C4orf17: variants seen among roughly 807,000 people sequenced by gnomAD.
C4orf17 encodes uncharacterized protein C4orf17.
A neutral mutation model predicts 32.0 loss-of-function variants in C4orf17; 25 were observed. The observed-to-expected ratio is 0.78, with a 90% CI of 0.57 to 1.09. The LOEUF is 1.09. Ranked by LOEUF, C4orf17 falls within the 50% of genes least tolerant of loss-of-function variation. The pLI is 0.00. For synonymous variants in C4orf17, 149 were observed against 145.8 expected (o/e 1.02, Z -0.16); for missense variants, 420 against 420.0 (o/e 1.00, Z 0.00).
intron 4 of C4orf17, among the ~76,000 whole-genome samples, chr4:99,526,777 T>C (rs1438287667): frequency 6.6e-6 from 1 of 152,028 alleles, no homozygotes; most frequent in Non-Finnish European, 1.5e-5. Context: ...TGATGTAAAG[T>C]TTTTTAAAAT....
chr4:99,525,679 C>T (rs895826536), intron 4 of C4orf17, among the ~76,000 whole-genome samples: 4 of 151,868 alleles, frequency 2.6e-5, no homozygotes, highest in African/African-American at 9.7e-5. Context: ...CCTGTAGTCC[C>T]AGCTACTGGG....
chr4:99,540,567 A>G (rs998532365), intron 8 of C4orf17, 112 bp downstream of exon 8: 1 of 679,562 alleles, frequency 1.5e-6, no homozygotes, highest in Non-Finnish European at 2.6e-6. Flanking sequence ...AGAAAAATAC[A>G]ATAGTAATTT....
chr4:99,532,936 G>A (rs1049770368), intron 5 of C4orf17, among the ~76,000 whole-genome samples: 1 of 152,190 alleles, frequency 6.6e-6, no homozygotes, highest in Non-Finnish European at 1.5e-5. Context: ...GTGTGGAAGA[G>A]ATCTTTCCCA....
chr4:99,527,343 T>A (rs1387916170), intron 4 of C4orf17, among the ~76,000 whole-genome samples: 1 of 152,224 alleles, frequency 6.6e-6, no homozygotes, highest in Non-Finnish European at 1.5e-5. Context: ...AAATTTTTCA[T>A]GTACCCATGA....
chr4:99,516,131 T>C (rs1451352741), intron 2 of C4orf17, among the ~76,000 whole-genome samples: 7 of 152,240 alleles, frequency 4.6e-5, no homozygotes, highest in Admixed American at 4.6e-4. Context: ...TGAAGTCATT[T>C]CATTCAGCAG....
In C4orf17 at chr4:99,541,798, G is replaced by C. The variant is rs1394411487; in HGVS notation, c.881-112G>C. 5.2e-6 allele frequency: 4 copies of C among 768,536 alleles called. No individual in the cohort carries two copies. In the East Asian group the frequency reaches 1.1e-4, roughly 21 times the overall value. The allele number at this position is 768,536 out of a possible 1,614,324, so 47.6% of individuals were successfully genotyped here. A position where few individuals can be genotyped will look rare whatever the true frequency, so the allele number is the denominator to read the frequency against. ...TCTTTTGTGAATTTTGGGTGTATCTGATTCACCTAAACTTCATATAGTTTT... is the reference window on the plus strand; with the variant it reads ...TCTTTTGTGAATTTTGGGTGTATCTCATTCACCTAAACTTCATATAGTTTT... On this transcript the variant is annotated intron_variant, in intron 8 of 8. Transcript: ENST00000326581.
At chr4:99,532,104 T>C (rs1723486839) in intron 5 of C4orf17, among the ~76,000 whole-genome samples, 1 of 152,174 alleles carries the variant, frequency 6.6e-6, no homozygotes, top group African/African-American at 2.4e-5. Context: ...GGTGGGACTA[T>C]AAATTAGTTC....
rs371073320 is a variant in C4orf17, at chr4:99,538,196, C to T, written c.628+446C>T. Among the ~76,000 whole-genome samples, 5 of 152,238 alleles carry T rather than the reference C, an allele frequency of 3.3e-5. No homozygotes were observed. In the South Asian group the frequency reaches 8.3e-4, roughly 25 times the overall value. ...GCCATTTGCCCAGCAAAACCATCAA[C>T]TCAGTCATTTCCTAACCTCTTTTGG... On this transcript the variant is annotated intron_variant, in intron 6 of 8. Transcript: ENST00000326581.
chr4:99,517,491 A>G (rs1032629663), intron 2 of C4orf17, among the ~76,000 whole-genome samples: 5 of 152,124 alleles, frequency 3.3e-5, no homozygotes, highest in Non-Finnish European at 7.4e-5. Flanking sequence ...TGCAATCCTC[A>G]TCTTGACCCC....
chr4:99,516,729 C>T (rs569150867), intron 2 of C4orf17, among the ~76,000 whole-genome samples: 2 of 152,184 alleles, frequency 1.3e-5, no homozygotes, highest in South Asian at 2.1e-4. Flanking sequence ...AATGGGAAGT[C>T]GGGGTGGAGA....
At chr4:99,514,125 A>C (rs2110164399) in intron 2 of C4orf17, among the ~76,000 whole-genome samples, 1 of 152,336 alleles carries the variant, frequency 6.6e-6, no homozygotes, top group East Asian at 1.9e-4. Flanking sequence ...GAGCTCCAGC[A>C]GATGGAAATG....
At chr4:99,534,677 C>G (rs1465872202) in intron 5 of C4orf17, among the ~76,000 whole-genome samples, 1 of 152,192 alleles carries the variant, frequency 6.6e-6, no homozygotes, top group African/African-American at 2.4e-5. Context: ...ACAATTCTGA[C>G]TGGTGTGAGA....
chr4:99,514,505 G>A (rs1304460429), intron 2 of C4orf17, among the ~76,000 whole-genome samples: 1 of 152,098 alleles, frequency 6.6e-6, no homozygotes, highest in Non-Finnish European at 1.5e-5. Flanking sequence ...TGAAAAAAAT[G>A]CTCAACATCA....
intron 6 of C4orf17, 74 bp downstream of exon 6, chr4:99,537,824 AAGT>A (rs1478953423): frequency 3.7e-6 from 4 of 1,067,236 alleles, no homozygotes; most frequent in Non-Finnish European, 5.8e-6. Flanking sequence ...CCAATATCTG[AAGT>A]TTTGTACCTT....
intron 2 of C4orf17, 124 bp from the exon 3 acceptor site, chr4:99,522,376 G>T: frequency 1.3e-6 from 1 of 760,530 alleles, no homozygotes; most frequent in Non-Finnish European, 2.1e-6. Flanking sequence ...ACAATTTGAA[G>T]TTCAACATTT....
At chr4:99,511,886 C>T (rs1046959763) in intron 1 of C4orf17, among the ~76,000 whole-genome samples, 2 of 152,118 alleles carry the variant, frequency 1.3e-5, no homozygotes, top group African/African-American at 4.8e-5. Context: ...TTAATGTCTA[C>T]ATATATTTTA....
Position 99,520,582 on chromosome 4 carries a change from A to G in C4orf17, c.128-1918A>G, listed in dbSNP as rs1723270777. Among the ~76,000 whole-genome samples, 3 of 152,172 alleles carry G rather than the reference A, an allele frequency of 2.0e-5. No individual in the cohort carries two copies. The South Asian group carries it at 6.2e-4, about 32-fold the overall frequency. On this transcript the variant is annotated intron_variant, in intron 2 of 8. Coordinates refer to ENST00000326581, the MANE Select transcript of C4orf17 (RefSeq NM_032149.3). ...TAAAACTATTGGCAGGCAAGGGACT[A>G]ATTTTTATGTCTTCAACTCTCCTCT...
intron 5 of C4orf17, among the ~76,000 whole-genome samples, chr4:99,533,558 G>T (rs1459148173): frequency 6.6e-6 from 1 of 152,142 alleles, no homozygotes; most frequent in Non-Finnish European, 1.5e-5. Context: ...ACAGAAAACA[G>T]AGTTTAGCAT....
intron 2 of C4orf17, 129 bp downstream of exon 2, chr4:99,513,337 T>C: frequency 2.6e-6 from 3 of 1,175,706 alleles, no homozygotes; most frequent in Non-Finnish European, 2.4e-6. Flanking sequence ...GAATTGACTA[T>C]TGGGACTAGA....
Sources: allele counts gnomAD v4.1 joint callset (sites outside exome capture counted in the v4.1 genomes callset), GRCh38; gene constraint gnomAD v4.1.1; transcripts MANE v1.5; gene names NCBI Gene and HGNC (gene_info 2026-07-23, HGNC 2026-07-21).